RTF1: variants seen among roughly 807,000 people sequenced by gnomAD.
RTF1 encodes RTF1 homolog, Paf1/RNA polymerase II complex component, also known as RNA polymerase-associated protein RTF1 homolog.
Under a neutral mutation model 95.7 loss-of-function variants are expected in RTF1, and 10 were observed. The ratio of observed to expected loss-of-function variants is 0.10; its 90% CI spans 0.06 to 0.18. RTF1 has a LOEUF of 0.18. Among genes scored for constraint, RTF1 ranks in the 10% least tolerant of loss-of-function variants. The pLI is 1.00. For missense variants in RTF1, 458 were observed against 875.6 expected, an observed-to-expected ratio of 0.52 and a Z score of 6.02; for synonymous variants, 305 against 311.8, an observed-to-expected ratio of 0.98 and a Z score of 0.23.
Position 41,417,143 on chromosome 15 carries a change from G to A in RTF1, c.28G>A (p.Ala10Thr). 7.9e-7 allele frequency: 1 copy of A among 1,257,954 alleles called. No homozygotes were observed. The highest frequency in any genetic ancestry group is 1.0e-6 in the Non-Finnish European group (1 of 997,286). The allele number at this position is 1,257,954 out of a possible 1,614,324, so 77.9% of individuals were successfully genotyped here. A position where few individuals can be genotyped will look rare whatever the true frequency, so the allele number is the denominator to read the frequency against. Residue 10 changes from alanine to threonine, a missense_variant, in exon 1 of 18, where the codon GCA becomes ACA. Transcript: ENST00000389629. The part of the protein sequence containing the change: MRGRLCVGR[A>T]AAAAAAVAVP... The stretch of plus-strand genomic sequence containing the variant: ...GCGCGGTCGCCTTTGTGTGGGTCGA[G>A]CAGCGGCGGCGGCGGCGGCAGTGGC...
chr15:41,480,631 G>T lies in RTF1; in HGVS notation c.2077G>T (p.Ala693Ser). The change falls in exon 18 of 18, where the codon GCT becomes TCT. Residue 693 changes from alanine to serine, a missense_variant. Ala to Ser is a moderately conservative substitution (Grantham distance 99). Around this residue, in one of 11 missense-constraint regions of RTF1, gnomAD observed 50 missense variants for 100.0 expected, o/e 0.50. Coordinates refer to ENST00000389629, the MANE Select transcript of RTF1 (RefSeq NM_015138.5). ...CAAGGCTCCGCCAGCCAAGGATGGG[G>T]CTCCAAGGAGATCTCTGAACTTGGA... is the stretch of plus-strand genomic sequence containing the variant. ...TSKAPPAKDG[A>S]PRRSLNLEDY... 1.2e-6 allele frequency: 2 copies of T among 1,614,224 alleles called. No homozygotes were observed. The highest frequency in any genetic ancestry group is 1.7e-6 in the Non-Finnish European group (2 of 1,180,034).
At chr15:41,465,022 C>CATTA (rs2050873231) in intron 5 of RTF1, 137 bp downstream of exon 5, 1 of 1,337,740 alleles carries the variant, frequency 7.5e-7, no homozygotes, top group South Asian at 2.1e-5. Context: ...GACATGGTTT[C>CATTA]ATTAATCTCT....
chr15:41,426,319 T>A (rs1188923796), intron 1 of RTF1, among the ~76,000 whole-genome samples: 1 of 151,590 alleles, frequency 6.6e-6, no homozygotes, highest in East Asian at 2.0e-4. Flanking sequence ...TTTATTTTTT[T>A]TTTTGGGATA....
At chr15:41,468,563 CGCCTCG>C (rs2050893397) in intron 6 of RTF1, among the ~76,000 whole-genome samples, 1 of 152,084 alleles carries the variant, frequency 6.6e-6, no homozygotes, top group African/African-American at 2.4e-5. Context: ...GTGATCCGCC[CGCCTCG>C]GCCTCCCAAA....
At chr15:41,425,226 C>T (rs1432140253) in intron 1 of RTF1, among the ~76,000 whole-genome samples, 9 of 152,030 alleles carry the variant, frequency 5.9e-5, no homozygotes, top group Admixed American at 2.6e-4. Context: ...CTCAGCCTCC[C>T]GAGTAGCTGG....
In RTF1 at chr15:41,426,779, A is replaced by ATGTG. The variant is rs1178988605; in HGVS notation, c.198+9467_198+9468insGTGT. On this transcript the variant is annotated intron_variant, in intron 1 of 17. Coordinates refer to ENST00000389629, the MANE Select transcript of RTF1 (RefSeq NM_015138.5). ...TCTACTGTGCCCAGCCGCTACATAT[A>ATGTG]TATGTGTGTGTGTGTGTGTGTGTGT... Among the ~76,000 whole-genome samples the ATGTG allele has an allele frequency of 5.1e-3, 397 of 77,578 alleles. 1 individual carries two copies. Among genetic ancestry groups the ATGTG allele is most frequent in the African/African-American group, 0.011 (218 of 20,164 alleles). 50.9% of individuals were successfully genotyped at this position (77,578 alleles called of 152,430 possible). A position where few individuals can be genotyped will look rare whatever the true frequency, so the allele number is the denominator to read the frequency against.
chr15:41,438,728 G>A (rs1233173848), intron 2 of RTF1, among the ~76,000 whole-genome samples: 1 of 151,944 alleles, frequency 6.6e-6, no homozygotes, highest in African/African-American at 2.4e-5. Context: ...AGGCGTGGTG[G>A]TGCACGCCTG....
In RTF1 at chr15:41,442,673, G is replaced by A. The variant is rs574643353; in HGVS notation, c.309+4242G>A. On this transcript the variant is annotated intron_variant, in intron 2 of 17. Coordinates refer to ENST00000389629, the MANE Select transcript of RTF1 (RefSeq NM_015138.5). ...GGCCAAGGCAGGTAGATCACTTGAG[G>A]TCAGGAGTTCGAGACCAGACTGGCC... Among the ~76,000 whole-genome samples, 17 of 152,136 alleles carry A rather than the reference G, an allele frequency of 1.1e-4. No homozygotes were observed. The South Asian group carries it at 2.9e-3, about 26-fold the overall frequency.
At chr15:41,449,748 T>C (rs1363223136) in intron 2 of RTF1, among the ~76,000 whole-genome samples, 1 of 151,994 alleles carries the variant, frequency 6.6e-6, no homozygotes, top group East Asian at 1.9e-4. Flanking sequence ...GGAATATCAC[T>C]TGAGCCCAGG....
At chr15:41,473,751 A>C (rs2050927838) in intron 8 of RTF1, among the ~76,000 whole-genome samples, 1 of 151,580 alleles carries the variant, frequency 6.6e-6, no homozygotes, top group African/African-American at 2.4e-5. Flanking sequence ...TTTTTTGTAG[A>C]GACTGGGTCT....
chr15:41,457,784 G>C lies in RTF1; in HGVS notation c.570G>C (p.Glu190Asp), dbSNP rs370585838. Residue 190 changes from glutamate (E) to aspartate (D), a missense_variant, in exon 4 of 18, where the codon GAG becomes GAC. Transcript: ENST00000389629. ...ATGGAGAAGACCTCATGGGAGATGA[G>C]GAAGACAGGGCCCGTCTGGAACAGA... ...DGYGEDLMGD[E>D]EDRARLEQMT... is the part of the protein sequence containing the mutation. The C allele has an allele frequency of 6.3e-5, 102 of 1,614,032 alleles. No individual in the cohort carries two copies. Among genetic ancestry groups the C allele is most frequent in the Non-Finnish European group, 8.2e-5 (97 of 1,180,038 alleles).
rs567061961 is a variant in RTF1 at position 41,453,693 on chromosome 15, C to T, written c.457+645C>T. Among the ~76,000 whole-genome samples the T allele has an allele frequency of 2.0e-5, 3 of 151,222 alleles. No individual in the cohort carries two copies. The South Asian group carries it at 6.3e-4, about 32-fold the overall frequency. On this transcript the variant is annotated intron_variant, in intron 3 of 17. Transcript: ENST00000389629. Reference sequence around the variant, plus strand: ...TGTGAGCTATGATCACACCACTGCACTCCAGTGACAGAGCAAGACCCTTTC... The same window carrying T: ...TGTGAGCTATGATCACACCACTGCATTCCAGTGACAGAGCAAGACCCTTTC...
chr15:41,446,532 T>G (rs1430964169), intron 2 of RTF1, among the ~76,000 whole-genome samples: 2 of 151,594 alleles, frequency 1.3e-5, no homozygotes, highest in Non-Finnish European at 2.9e-5. Context: ...TGCCACTGCC[T>G]GGGCAACAGA....
At chr15:41,441,544 A>G (rs745636830) in intron 2 of RTF1, among the ~76,000 whole-genome samples, 1 of 152,056 alleles carries the variant, frequency 6.6e-6, no homozygotes, top group Non-Finnish European at 1.5e-5. Context: ...TTTTTAGCCA[A>G]AGCATTAGAG....
chr15:41,426,604 C>T (rs2050631007), intron 1 of RTF1, among the ~76,000 whole-genome samples: 1 of 138,592 alleles, frequency 7.2e-6, no homozygotes. Flanking sequence ...TGTGCCTGGC[C>T]ATTTTTTTGT....
At chr15:41,460,045 TGA>T (rs2050839398) in intron 4 of RTF1, among the ~76,000 whole-genome samples, 2 of 152,124 alleles carry the variant, frequency 1.3e-5, no homozygotes, top group Non-Finnish European at 1.5e-5. Flanking sequence ...TTAAGTATGC[TGA>T]GTTATCCTAG....
chr15:41,458,145 G>A (rs993213822), intron 4 of RTF1, among the ~76,000 whole-genome samples: 2 of 152,182 alleles, frequency 1.3e-5, no homozygotes, highest in Non-Finnish European at 2.9e-5. Flanking sequence ...CTTCACAACT[G>A]CTCTGTGAAG....
chr15:41,438,908 C>T (rs2050718549), intron 2 of RTF1, among the ~76,000 whole-genome samples: 3 of 148,258 alleles, frequency 2.0e-5, no homozygotes, highest in South Asian at 4.2e-4. Flanking sequence ...ATGTCATGTT[C>T]ATTGTACTGC....
chr15:41,458,616 T>G lies in RTF1; in HGVS notation c.662+740T>G, dbSNP rs142381659. Among the ~76,000 whole-genome samples the G allele has an allele frequency of 7.6e-3, 1,138 of 150,246 alleles. 19 individuals carry two copies. The highest frequency in any genetic ancestry group is 0.026 in the African/African-American group (1,071 of 40,772). On this transcript the variant is annotated intron_variant, in intron 4 of 17. Coordinates refer to ENST00000389629, the MANE Select transcript of RTF1 (RefSeq NM_015138.5). ...ACAAAAAAATTAGCCTGGTGTGGTG[T>G]TGTGCACCCGTAGTCCCAGCTACTC...
Sources: allele counts gnomAD v4.1 joint callset (sites outside exome capture counted in the v4.1 genomes callset), GRCh38; gene constraint gnomAD v4.1.1; regional missense constraint gnomAD v4.1.1; transcripts MANE v1.5; gene names NCBI Gene and HGNC (gene_info 2026-07-23, HGNC 2026-07-21).